Variants in RANBP17 observed in about 807,000 individuals in gnomAD.
RANBP17 encodes ran-binding protein 17.
RANBP17 carries 158 observed loss-of-function variants against 141.2 expected under a neutral mutation model. The ratio of observed to expected loss-of-function variants is 1.12; its 90% CI spans 0.98 to 1.28. The LOEUF (loss-of-function observed/expected upper bound fraction) is 1.28, where lower values mean the gene tolerates loss of function less well. RANBP17 is among the 50% of genes most tolerant of loss of function. The probability of loss-of-function intolerance (pLI) is 0.00; values close to 1 mark genes in which losing one functional copy is unlikely to be tolerated. For missense variants in RANBP17, 1,438 were observed against 1,290.7 expected (o/e 1.11, Z -1.75); for synonymous variants, 430 against 450.0 (o/e 0.96, Z 0.56).
intron 14 of RANBP17, among the ~76,000 whole-genome samples, chr5:171,054,418 C>T (rs953372441): frequency 1.3e-5 from 2 of 152,150 alleles, no homozygotes; most frequent in African/African-American, 4.8e-5. Context: ...GAGGGTTCCT[C>T]CCCCATTTTA....
At chr5:171,296,162 T>A in intron 27 of RANBP17, 148 bp downstream of exon 27, 1 of 760,182 alleles carries the variant, frequency 1.3e-6, no homozygotes, top group Non-Finnish European at 2.1e-6. Context: ...TTCCATTCAG[T>A]AAATATTGTT....
intron 14 of RANBP17, among the ~76,000 whole-genome samples, chr5:171,068,250 G>A (rs1227949384): frequency 2.0e-5 from 3 of 151,758 alleles, no homozygotes; most frequent in Non-Finnish European, 4.4e-5. Context: ...ATTCCTGCTT[G>A]GTTAATTTTA....
At chr5:171,278,819 A>G (rs1767685333) in intron 25 of RANBP17, among the ~76,000 whole-genome samples, 1 of 152,154 alleles carries the variant, frequency 6.6e-6, no homozygotes, top group Non-Finnish European at 1.5e-5. Flanking sequence ...ACCACTCTTG[A>G]CTCGGGAGAG....
intron 14 of RANBP17, among the ~76,000 whole-genome samples, chr5:171,031,737 G>T (rs1373203244): frequency 1.3e-5 from 2 of 151,944 alleles, no homozygotes; most frequent in African/African-American, 4.8e-5. Flanking sequence ...CTCCTGAGTA[G>T]TAGCAACATG....
intron 24 of RANBP17, among the ~76,000 whole-genome samples, chr5:171,243,994 C>T (rs1281078449): frequency 6.6e-6 from 1 of 152,178 alleles, no homozygotes; most frequent in African/African-American, 2.4e-5. Flanking sequence ...AGGAGAATCA[C>T]ATGCACCCAG....
chr5:170,977,827 C>T (rs1777488795), intron 14 of RANBP17, among the ~76,000 whole-genome samples: 1 of 151,876 alleles, frequency 6.6e-6, no homozygotes, highest in African/African-American at 2.4e-5. Flanking sequence ...TTATTGGGTG[C>T]CTAGGGCTGG....
chr5:171,155,094 A>AAAAAAAAAATAT (rs34090443), intron 14 of RANBP17, among the ~76,000 whole-genome samples: 1 of 74,990 alleles, frequency 1.3e-5, no homozygotes, highest in Non-Finnish European at 2.5e-5. Context: ...AAAAAAAAAA[A>AAAAAAAAAATAT]ATATATATAT....
intron 14 of RANBP17, among the ~76,000 whole-genome samples, chr5:171,111,739 T>C (rs1289312268): frequency 6.6e-6 from 1 of 152,256 alleles, no homozygotes; most frequent in Non-Finnish European, 1.5e-5. Flanking sequence ...TCTCTAACTT[T>C]CTGTGATTTC....
intron 12 of RANBP17, among the ~76,000 whole-genome samples, chr5:170,934,514 T>G (rs1268666238): frequency 6.6e-6 from 1 of 152,224 alleles, no homozygotes; most frequent in Non-Finnish European, 1.5e-5. Context: ...TGACAAAATC[T>G]CTCAGCTTTT....
chr5:170,936,037 T>C (rs955823382), intron 12 of RANBP17, among the ~76,000 whole-genome samples: 2 of 152,184 alleles, frequency 1.3e-5, no homozygotes, highest in Non-Finnish European at 2.9e-5. Context: ...TGCAGTTCCA[T>C]CTCAGGCTCT....
intron 14 of RANBP17, among the ~76,000 whole-genome samples, chr5:171,081,136 C>A (rs1785237204): frequency 6.6e-6 from 1 of 152,134 alleles, no homozygotes; most frequent in African/African-American, 2.4e-5. Flanking sequence ...TAAAGCTTAT[C>A]CTTTTACTAC....
chr5:171,142,298 T>G (rs966706910), intron 14 of RANBP17, among the ~76,000 whole-genome samples: 1 of 152,174 alleles, frequency 6.6e-6, no homozygotes, highest in Non-Finnish European at 1.5e-5. Flanking sequence ...TCTGCCAAAA[T>G]GTAGTTTCAA....
chr5:170,976,202 A>G (rs538782366), intron 14 of RANBP17, among the ~76,000 whole-genome samples: 2 of 152,326 alleles, frequency 1.3e-5, no homozygotes, highest in South Asian at 2.1e-4. Flanking sequence ...TGCACTTGCA[A>G]TAAACAACCC....
chr5:171,082,773 CCAGA>C lies in RANBP17; in HGVS notation c.1711-87354_1711-87351del, dbSNP rs539325717. Among the ~76,000 whole-genome samples, 299 of 152,142 alleles carry C rather than the reference CCAGA, an allele frequency of 2.0e-3. 4 individuals are homozygous for C. The highest frequency in any genetic ancestry group is 0.017 in the Admixed American group (261 of 15,284). ...GAATTCTTAAATAACTTCTGCTTTG[CCAGA>C]CAATTTAGGTATCTTATTTGCTAGT... On this transcript the variant is annotated intron_variant, in intron 14 of 27. Coordinates refer to ENST00000523189, the MANE Select transcript of RANBP17 (RefSeq NM_022897.5).
chr5:170,937,924 A>G (rs893154639), intron 12 of RANBP17, among the ~76,000 whole-genome samples: 1 of 152,216 alleles, frequency 6.6e-6, no homozygotes, highest in Non-Finnish European at 1.5e-5. Context: ...GTGGTCAACT[A>G]CATCCTCTGA....
intron 14 of RANBP17, among the ~76,000 whole-genome samples, chr5:171,047,621 G>A (rs1356130255): frequency 6.6e-6 from 1 of 151,696 alleles, no homozygotes; most frequent in South Asian, 2.1e-4. Flanking sequence ...TGTATTTTTA[G>A]TAGAGACAGG....
Position 171,065,949 on chromosome 5 carries a change from C to G in RANBP17, c.1710+97572C>G, listed in dbSNP as rs372267968. On this transcript the variant is annotated intron_variant, in intron 14 of 27. Coordinates refer to ENST00000523189, the MANE Select transcript of RANBP17 (RefSeq NM_022897.5). The stretch of plus-strand genomic sequence containing the variant: ...GGTCTCGGTGCACTGCAGCCTCTGC[C>G]TCCCGGGTTCAAGTGATTTTCCTGC... Among the ~76,000 whole-genome samples, 61 of 151,210 alleles carry G rather than the reference C, an allele frequency of 4.0e-4. 2 individuals are homozygous for G. The South Asian group carries it at 0.012, about 31-fold the overall frequency.
chr5:170,993,692 A>G (rs914745258), intron 14 of RANBP17, among the ~76,000 whole-genome samples: 9 of 152,038 alleles, frequency 5.9e-5, no homozygotes, highest in Admixed American at 1.3e-4. Flanking sequence ...AACTGTTGTA[A>G]TGATGATGAT....
chr5:171,055,176 T>C (rs1043033719), intron 14 of RANBP17, among the ~76,000 whole-genome samples: 1 of 152,202 alleles, frequency 6.6e-6, no homozygotes, highest in Non-Finnish European at 1.5e-5. Flanking sequence ...ATGGGGTTGC[T>C]AGCTGATTCC....
Sources: gnomAD v4.1 joint callset for allele counts (sites outside exome capture counted in the v4.1 genomes callset) on GRCh38, gnomAD v4.1.1 for gene constraint, MANE v1.5 for transcripts, NCBI Gene and HGNC (gene_info 2026-07-23, HGNC 2026-07-21) for gene names.